The following PRIMA1 variants were observed in gnomAD, a reference collection of about 807,000 sequenced individuals.
PRIMA1 encodes proline rich membrane anchor 1.
A neutral mutation model predicts 17.5 loss-of-function variants in PRIMA1; 7 were observed. That is an observed-to-expected ratio of 0.40 (90% CI 0.23 to 0.75). The LOEUF is 0.75. PRIMA1 is among the 30% of genes least tolerant of loss of function. The pLI is 0.37. For missense variants in PRIMA1, 200 were observed against 201.8 expected, an observed-to-expected ratio of 0.99 and a Z score of 0.05; for synonymous variants, 97 against 77.9, an observed-to-expected ratio of 1.25 and a Z score of -1.29.
intron 4 of PRIMA1, among the ~76,000 whole-genome samples, chr14:93,731,452 T>G (rs1448021889): frequency 6.6e-6 from 1 of 152,192 alleles, no homozygotes; most frequent in Non-Finnish European, 1.5e-5. Context: ...TGGGAGCACA[T>G]TTGACATTTT....
chr14:93,782,852 C>T (rs1225476644), intron 2 of PRIMA1, among the ~76,000 whole-genome samples: 1 of 152,226 alleles, frequency 6.6e-6, no homozygotes, highest in Non-Finnish European at 1.5e-5. Flanking sequence ...CCCATATCCA[C>T]TTGCTAGCCT....
Position 93,787,689 on chromosome 14 carries a change from A to C in PRIMA1, c.30T>G (p.Arg10=). Residue 10 remains arginine, a synonymous_variant, in exon 2 of 5, where the codon CGT becomes CGG. Coordinates refer to ENST00000393140, the MANE Select transcript of PRIMA1 (RefSeq NM_178013.4). ...GCAGCAGCGAGGACCAGCAGCAGCC[A>C]CGGCGCAGCACCAAGTCCCGGAGGA... MLLRDLVLR[R]GCCWSSLLLH... is the part of the protein sequence containing the mutation. 1.3e-6 allele frequency: 2 copies of C among 1,544,474 alleles called. No homozygotes were observed. Among genetic ancestry groups the C allele is most frequent in the Non-Finnish European group, 1.7e-6 (2 of 1,146,732 alleles).
chr14:93,747,895 TGAGTGTGTAA>T (rs1385350713), intron 3 of PRIMA1, among the ~76,000 whole-genome samples: 1 of 125,886 alleles, frequency 7.9e-6, no homozygotes, highest in Admixed American at 8.5e-5. Flanking sequence ...AGTGTGTGTA[TGAGTGTGTAA>T]GAGTGGGGGA....
chr14:93,726,991 C>G lies in PRIMA1; in HGVS notation c.360-5445G>C, dbSNP rs143645821. Among the ~76,000 whole-genome samples the G allele has an allele frequency of 2.4e-3, 361 of 152,316 alleles. No individual in the cohort carries two copies. Among genetic ancestry groups the G allele is most frequent in the African/African-American group, 8.0e-3 (331 of 41,562 alleles). On this transcript the variant is annotated intron_variant, in intron 4 of 4. Transcript: ENST00000393140. This position sits in a 1 kb window ranked among gnomAD's most constrained non-coding sequence, Gnocchi z 4.2. ...TCCATGATGAGACTCCTCTGTAGAC[C>G]TCAGACTTCCCCAAACCTGGGTCAA...
intron 3 of PRIMA1, among the ~76,000 whole-genome samples, chr14:93,747,143 G>A (rs1406221698): frequency 6.6e-6 from 1 of 152,162 alleles, no homozygotes; most frequent in Non-Finnish European, 1.5e-5. Flanking sequence ...GCCTGGCCCT[G>A]GGGCACCTCA....
chr14:93,728,787 C>T (rs2076095979), intron 4 of PRIMA1, among the ~76,000 whole-genome samples: 1 of 152,176 alleles, frequency 6.6e-6, no homozygotes, highest in Admixed American at 6.5e-5. Flanking sequence ...CCATGACTGT[C>T]CACGGTGCAC....
intron 3 of PRIMA1, among the ~76,000 whole-genome samples, chr14:93,745,612 T>G (rs2076212305): frequency 6.6e-6 from 1 of 152,154 alleles, no homozygotes; most frequent in South Asian, 2.1e-4. Context: ...ACCTGGGCAT[T>G]CCCTCTGCCC....
intron 3 of PRIMA1, among the ~76,000 whole-genome samples, chr14:93,737,720 C>G (rs929349378): frequency 6.6e-6 from 1 of 152,186 alleles, no homozygotes; most frequent in Non-Finnish European, 1.5e-5. Context: ...TCCCTGCCCC[C>G]ACCCTGCGGC....
At chr14:93,750,104 C>A (rs1306722377) in intron 3 of PRIMA1, among the ~76,000 whole-genome samples, 2 of 152,158 alleles carry the variant, frequency 1.3e-5, no homozygotes, top group Non-Finnish European at 2.9e-5. Flanking sequence ...AACAGAATCG[C>A]TTGAGCCCGG....
At position 93,737,279 on chromosome 14, in the gene PRIMA1, C is replaced by T. The variant is rs2076155489; in HGVS notation, c.321G>A (p.Leu107=). ...IAVCCASLVF[L]TVLVIICYKA... ...TGTAGCAAATGATGACAAGCACAGT[C>T]AGAAACACCAGGGAGGCACAGCATA... is the stretch of plus-strand genomic sequence containing the variant. The change falls in exon 4 of 5, where the codon CTG becomes CTA. Residue 107 remains leucine (L), a synonymous_variant. Coordinates refer to ENST00000393140, the MANE Select transcript of PRIMA1 (RefSeq NM_178013.4). 6.2e-7 allele frequency: 1 copy of T among 1,614,172 alleles called. No individual in the cohort carries two copies. Among genetic ancestry groups the T allele is most frequent in the Non-Finnish European group, 8.5e-7 (1 of 1,180,038 alleles).
intron 3 of PRIMA1, among the ~76,000 whole-genome samples, chr14:93,776,205 G>A (rs1191876152): frequency 6.6e-6 from 1 of 152,166 alleles, no homozygotes; most frequent in Non-Finnish European, 1.5e-5. Flanking sequence ...GGATTCAGCA[G>A]ATCTGCTGCC....
chr14:93,725,782 T>C (rs958672466), intron 4 of PRIMA1: 1 of 361,136 alleles, frequency 2.8e-6, no homozygotes, highest in East Asian at 7.4e-5. Flanking sequence ...ACCAGGTAGC[T>C]GGCCCCACCG....
chr14:93,787,577 C>T lies in PRIMA1; in HGVS notation c.93+49G>A, dbSNP rs1391557758. On this transcript the variant is annotated intron_variant, in intron 2 of 4. Coordinates refer to ENST00000393140, the MANE Select transcript of PRIMA1 (RefSeq NM_178013.4). ...TCTCAGGAGGGAAGGGACAGCTCGC[C>T]CCTTACCCAGGAGGCCCTCCCAGCC... The T allele has an allele frequency of 2.0e-6, 3 of 1,536,932 alleles. No individual in the cohort carries two copies. In the East Asian group the frequency reaches 7.3e-5, roughly 38 times the overall value.
intron 3 of PRIMA1, among the ~76,000 whole-genome samples, chr14:93,749,204 C>T (rs992172555): frequency 1.4e-4 from 22 of 152,244 alleles, no homozygotes; most frequent in African/African-American, 4.8e-4. Flanking sequence ...CGCACGGCTG[C>T]GCAGAAGGTC....
rs1885566928 is a variant in PRIMA1, at chr14:93,787,733, C to T, written c.-15G>A. 3.9e-6 allele frequency: 6 copies of T among 1,541,830 alleles called. No homozygotes were observed. The highest frequency in any genetic ancestry group is 2.4e-5 in the East Asian group (1 of 40,898). On this transcript the variant is annotated 5_prime_UTR_variant, in exon 2 of 5. Coordinates refer to ENST00000393140, the MANE Select transcript of PRIMA1 (RefSeq NM_178013.4). ...CGGAGGAGCATCTCGGCCAGCGGCG[C>T]CCGCTCCTGGGGCGAACTGTCAGGA...
intron 4 of PRIMA1, among the ~76,000 whole-genome samples, 192 bp downstream of exon 4, chr14:93,737,049 A>G (rs1473325019): frequency 6.6e-6 from 1 of 152,246 alleles, no homozygotes; most frequent in South Asian, 2.1e-4. Context: ...AGATATAGCA[A>G]ATACAGCAAA....
At chr14:93,745,164 G>A (rs1197125593) in intron 3 of PRIMA1, among the ~76,000 whole-genome samples, 1 of 152,154 alleles carries the variant, frequency 6.6e-6, no homozygotes, top group Non-Finnish European at 1.5e-5. Context: ...TTCGGTGGCC[G>A]GCAGCACTGA....
intron 3 of PRIMA1, among the ~76,000 whole-genome samples, chr14:93,769,680 C>T (rs1448990912): frequency 1.3e-5 from 2 of 152,158 alleles, no homozygotes; most frequent in Non-Finnish European, 2.9e-5. Context: ...GTGCCTGTCG[C>T]TCAGCTTTGC....
At chr14:93,764,124 C>A (rs1483309096) in intron 3 of PRIMA1, among the ~76,000 whole-genome samples, 1 of 151,974 alleles carries the variant, frequency 6.6e-6, no homozygotes, top group Non-Finnish European at 1.5e-5. Flanking sequence ...ACTGCCTGGC[C>A]CAAGCTGCCG....
Sources: gnomAD v4.1 joint callset for allele counts (sites outside exome capture counted in the v4.1 genomes callset) on GRCh38, gnomAD v4.1.1 for gene constraint, Gnocchi (gnomAD v3.1) non-coding constraint, MANE v1.5 for transcripts, NCBI Gene and HGNC (gene_info 2026-07-23, HGNC 2026-07-21) for gene names.